The following HMCN1 variants were observed in gnomAD, a reference collection of about 807,000 sequenced individuals.
HMCN1 encodes the protein hemicentin 1.
Under a neutral mutation model 625.9 loss-of-function variants are expected in HMCN1, and 321 were observed. The observed-to-expected ratio is 0.51, with a 90% CI of 0.47 to 0.56. The LOEUF (loss-of-function observed/expected upper bound fraction) is 0.56, where lower values mean the gene tolerates loss of function less well. HMCN1 is among the 20% of genes least tolerant of loss of function. The pLI is 0.00. For synonymous variants in HMCN1, 2,425 were observed against 2,417.6 expected (o/e 1.00, Z -0.09); for missense variants, 6,588 against 6,887.3 (o/e 0.96, Z 1.54).
chr1:185,947,443 C>T (rs143107775), intron 11 of HMCN1, among the ~76,000 whole-genome samples: 137 of 152,264 alleles, frequency 9.0e-4, no homozygotes, highest in African/African-American at 2.8e-3. Context: ...AGAAGAAAGG[C>T]AGAAATAACA....
At chr1:186,077,228 C>T (rs1390266932) in intron 54 of HMCN1, among the ~76,000 whole-genome samples, 1 of 151,926 alleles carries the variant, frequency 6.6e-6, no homozygotes, top group Non-Finnish European at 1.5e-5. Context: ...AAAGAGTATC[C>T]TGAAAATAAA....
chr1:186,144,466 A>G lies in HMCN1; in HGVS notation c.14096-67A>G, dbSNP rs188218982. The G allele has an allele frequency of 8.7e-6, 14 of 1,611,284 alleles. No individual in the cohort carries two copies. The East Asian group carries it at 2.7e-4, about 31-fold the overall frequency. ...CACAAGAACATCTCTCAAACTAACAATGCCCAGAGTGTAACACGATGGTTC... is the reference window on the plus strand; with the variant it reads ...CACAAGAACATCTCTCAAACTAACAGTGCCCAGAGTGTAACACGATGGTTC... On this transcript the variant is annotated intron_variant, in intron 90 of 106. Transcript: ENST00000271588.
At position 186,087,446 on chromosome 1, in the gene HMCN1, C is replaced by T. The variant is rs1659568206; in HGVS notation, c.9164C>T (p.Pro3055Leu). 2 of 1,612,788 alleles carry T rather than the reference C, an allele frequency of 1.2e-6. No individual in the cohort carries two copies. Among genetic ancestry groups the T allele is most frequent in the African/African-American group, 1.3e-5 (1 of 74,806 alleles). ...KKKFSLTVYV[P>L]PSIKDHDSES... ...TTCTGTTATTTTCTTCCCTCAGTGC[C>T]CCCAAGCATTAAAGACCATGACAGT... The change falls in exon 60 of 107, where the codon CCC (proline) becomes CTC (leucine). Residue 3055 changes from proline (P) to leucine (L), a missense_variant. Coordinates refer to ENST00000271588, the MANE Select transcript of HMCN1 (RefSeq NM_031935.3).
At chr1:185,753,521 A>T (rs1460701805) in intron 1 of HMCN1, among the ~76,000 whole-genome samples, 5 of 151,950 alleles carry the variant, frequency 3.3e-5, no homozygotes, top group South Asian at 2.1e-4. Flanking sequence ...TTCTTTTCTA[A>T]CTTTAAAATT....
intron 1 of HMCN1, among the ~76,000 whole-genome samples, chr1:185,776,945 G>T (rs1367608807): frequency 1.3e-5 from 2 of 152,190 alleles, no homozygotes; most frequent in Non-Finnish European, 2.9e-5. Context: ...GCCTTTGAAA[G>T]TATGGTTTGC....
chr1:186,021,607 T>C (rs1335240853), intron 35 of HMCN1, among the ~76,000 whole-genome samples: 1 of 152,084 alleles, frequency 6.6e-6, no homozygotes, highest in East Asian at 1.9e-4. Context: ...TATAAATGTA[T>C]GAATGTGTTG....
chr1:186,189,823 T>C lies in HMCN1; in HGVS notation c.16853T>C (p.Ile5618Thr). 4.3e-6 allele frequency: 7 copies of C among 1,613,760 alleles called. No individual in the cohort carries two copies. Among genetic ancestry groups the C allele is most frequent in the Non-Finnish European group, 5.1e-6 (6 of 1,179,760 alleles). The change falls in exon 107 of 107, where the codon ATT becomes ACT. Residue 5618 changes from isoleucine to threonine, a missense_variant. Coordinates refer to ENST00000271588, the MANE Select transcript of HMCN1 (RefSeq NM_031935.3). Reference protein sequence around the residue: ...RASSYSANGTIEYQTTFIVYI... With the variant: ...RASSYSANGTTEYQTTFIVYI... The stretch of plus-strand genomic sequence containing the variant: ...TCATCCTACAGTGCCAATGGGACCA[T>C]TGAATATCAGACCACATTCATAGTT...
At chr1:185,794,554 G>A (rs542679622) in intron 1 of HMCN1, among the ~76,000 whole-genome samples, 1 of 150,978 alleles carries the variant, frequency 6.6e-6, no homozygotes, top group Admixed American at 6.6e-5. Context: ...CATCCAGTAC[G>A]GGAGAAAGAT....
Position 186,007,277 on chromosome 1 carries a change from T to A in HMCN1, c.4625T>A (p.Ile1542Asn). 6.2e-7 allele frequency: 1 copy of A among 1,613,486 alleles called. No homozygotes were observed. Among genetic ancestry groups the A allele is most frequent in the Non-Finnish European group, 8.5e-7 (1 of 1,179,542 alleles). ...GKQAKDIKLT[I>N]YIPPSIKGGN... Reference sequence around the variant, plus strand: ...CAAGCCAAGGATATAAAACTGACTATCTATAGTAAGTGCGATTGTCTTATG... The same window carrying A: ...CAAGCCAAGGATATAAAACTGACTAACTATAGTAAGTGCGATTGTCTTATG... The change falls in exon 30 of 107, where the codon ATC becomes AAC. Residue 1542 changes from isoleucine to asparagine, a missense_variant. This residue lies in a region of HMCN1 where 4,628 missense variants were observed against 4,853.1 expected (regional missense o/e 0.95). Coordinates refer to ENST00000271588, the MANE Select transcript of HMCN1 (RefSeq NM_031935.3).
chr1:185,964,124 A>C (rs1232207969), intron 13 of HMCN1, among the ~76,000 whole-genome samples: 1 of 152,146 alleles, frequency 6.6e-6, no homozygotes, highest in Non-Finnish European at 1.5e-5. Flanking sequence ...CAGGTTATGG[A>C]ATAATTTCAT....
chr1:185,951,753 C>T (rs1007626070), intron 11 of HMCN1, among the ~76,000 whole-genome samples: 6 of 151,800 alleles, frequency 4.0e-5, no homozygotes, highest in African/African-American at 1.5e-4. Context: ...AGATTTCCGG[C>T]ACGTGTAGCA....
intron 32 of HMCN1, among the ~76,000 whole-genome samples, 160 bp downstream of exon 32, chr1:186,016,399 C>T (rs768144540): frequency 1.6e-4 from 24 of 152,074 alleles, no homozygotes; most frequent in Non-Finnish European, 3.2e-4. Flanking sequence ...GATTTGTCAC[C>T]AGAGTCTCAG....
intron 36 of HMCN1, among the ~76,000 whole-genome samples, chr1:186,032,686 C>G (rs1437188870): frequency 6.6e-6 from 1 of 151,656 alleles, no homozygotes. Context: ...ATTACCCAGT[C>G]TTGGGTATGT....
At position 186,189,804 on chromosome 1, in the gene HMCN1, T is replaced by G. The variant is rs1245970495; in HGVS notation, c.16834T>G (p.Tyr5612Asp). ...TYRMRVRASSYSANGTIEYQT... is the reference protein window; with the variant it reads ...TYRMRVRASSDSANGTIEYQT... ...CCGCATGAGGGTCCGAGCCTCATCC[T>G]ACAGTGCCAATGGGACCATTGAATA... The change falls in exon 107 of 107, where the codon TAC (tyrosine) becomes GAC (aspartate). Residue 5612 changes from tyrosine to aspartate, a missense_variant. By Grantham distance (160) the Tyr-to-Asp change is radical (BLOSUM62 -3). Transcript: ENST00000271588. 2.0e-5 allele frequency: 32 copies of G among 1,613,816 alleles called. No homozygotes were observed. The highest frequency in any genetic ancestry group is 2.7e-5 in the Non-Finnish European group (32 of 1,179,836).
At chr1:185,904,159 G>C (rs1665964991) in intron 4 of HMCN1, among the ~76,000 whole-genome samples, 1 of 151,746 alleles carries the variant, frequency 6.6e-6, no homozygotes, top group African/African-American at 2.4e-5. Context: ...ATTCCCACCT[G>C]GGTGCTCAAT....
At chr1:186,138,103 T>G in intron 89 of HMCN1, 131 bp downstream of exon 89, 1 of 1,012,722 alleles carries the variant, frequency 9.9e-7, no homozygotes, top group Non-Finnish European at 1.5e-6. Flanking sequence ...ATATGTTCAT[T>G]CACTATATTC....
intron 36 of HMCN1, among the ~76,000 whole-genome samples, chr1:186,027,757 C>T (rs548009352): frequency 4.0e-4 from 61 of 152,284 alleles, no homozygotes; most frequent in Non-Finnish European, 6.6e-4. Flanking sequence ...AAAGTCCCTC[C>T]TGCCTTTACT....
rs183373931 is a variant in HMCN1 at position 185,765,135 on chromosome 1, A to G, written c.268+30088A>G. Among the ~76,000 whole-genome samples, 300 of 152,342 alleles carry G rather than the reference A, an allele frequency of 2.0e-3. 4 individuals carry two copies. Among genetic ancestry groups the G allele is most frequent in the African/African-American group, 7.0e-3 (293 of 41,590 alleles). ...ATCAGATTCCGTTTTGAGAATTTAA[A>G]TTGGGAAAGATGGACATAATTAAGT... is the stretch of plus-strand genomic sequence containing the variant. On this transcript the variant is annotated intron_variant, in intron 1 of 106. Coordinates refer to ENST00000271588, the MANE Select transcript of HMCN1 (RefSeq NM_031935.3).
In HMCN1 at chr1:186,076,556, C is replaced by T. The variant is rs1340771681; in HGVS notation, c.8419C>T (p.Pro2807Ser). Residue 2807 changes from proline (P) to serine (S), a missense_variant, in exon 54 of 107, where the codon CCT becomes TCT. Physicochemically the swap from Pro to Ser is moderately conservative, Grantham distance 74. This residue lies in a region of HMCN1 where 4,628 missense variants were observed against 4,853.1 expected (regional missense o/e 0.95). Transcript: ENST00000271588. Reference protein sequence around the residue: ...LYCETNAAPPPTLTWYKDGHP... With the variant: ...LYCETNAAPPSTLTWYKDGHP... ...CTGTGAGACAAATGCTGCTCCCCCT[C>T]CTACACTGACATGGTACAAAGATGG... The T allele has an allele frequency of 1.9e-6, 3 of 1,613,844 alleles. No individual in the cohort carries two copies. The highest frequency in any genetic ancestry group is 2.5e-6 in the Non-Finnish European group (3 of 1,179,818).
Sources: gnomAD v4.1 joint callset for allele counts (sites outside exome capture counted in the v4.1 genomes callset) on GRCh38, gnomAD v4.1.1 for gene constraint, gnomAD v4.1.1 regional missense constraint, MANE v1.5 for transcripts, NCBI Gene and HGNC (gene_info 2026-07-23, HGNC 2026-07-21) for gene names.